Variants in SMIM10L3 observed in about 807,000 individuals in gnomAD.
SMIM10L3 encodes the protein small integral membrane protein 10 like 3.
chr7:6,338,597 G>A, the SMIM10L3 span: 1 of 152,264 alleles, frequency 6.6e-6, no homozygotes, highest in African/African-American at 2.4e-5. Context: ...GCCGTGCCAG[G>A]GGAAACGAGG....
chr7:6,330,599 C>T, the SMIM10L3 span: 10 of 1,614,016 alleles, frequency 6.2e-6, no homozygotes, highest in South Asian at 4.4e-5. Flanking sequence ...TGCAGGCAAG[C>T]GGGTTCCAAC....
chr7:6,340,176 C>T, the SMIM10L3 span, among the ~76,000 whole-genome samples: 12 of 152,132 alleles, frequency 7.9e-5, no homozygotes, highest in African/African-American at 1.9e-4. Context: ...TGAGCTACCG[C>T]GCCCGGCCCC....
chr7:6,334,925 C>T, the SMIM10L3 span, among the ~76,000 whole-genome samples: 6 of 151,508 alleles, frequency 4.0e-5, no homozygotes, highest in African/African-American at 7.3e-5. Flanking sequence ...TGTGCCACCA[C>T]GCCTGGCCAA....
chr7:6,348,933 G>T, the SMIM10L3 span: 4 of 382,932 alleles, frequency 1.0e-5, no homozygotes, highest in African/African-American at 6.3e-5. Flanking sequence ...GTGCCTCCGC[G>T]AGCAGCCGCC....
At chr7:6,345,035 C>T in the SMIM10L3 span, among the ~76,000 whole-genome samples, 5 of 152,014 alleles carry the variant, frequency 3.3e-5, no homozygotes, top group Admixed American at 1.3e-4. Context: ...AATCCCACCA[C>T]GCCCGGCCAC....
chr7:6,336,723 G>A, the SMIM10L3 span, among the ~76,000 whole-genome samples: 3 of 149,916 alleles, frequency 2.0e-5, no homozygotes, highest in South Asian at 2.1e-4. Flanking sequence ...GCACAGTCAC[G>A]GCTCACTGCA....
the SMIM10L3 span, among the ~76,000 whole-genome samples, chr7:6,340,476 C>A: frequency 6.6e-6 from 1 of 152,102 alleles, no homozygotes; most frequent in African/African-American, 2.4e-5. Context: ...CTGGAGTCGG[C>A]TGAAGCACGG....
chr7:6,330,821 C>G, the SMIM10L3 span: 2 of 1,614,202 alleles, frequency 1.2e-6, no homozygotes, highest in Non-Finnish European at 1.7e-6. Flanking sequence ...GCAAAACACT[C>G]TGTTGGAGCA....
At chr7:6,336,172 C>CAAAA in the SMIM10L3 span, among the ~76,000 whole-genome samples, 2 of 131,838 alleles carry the variant, frequency 1.5e-5, no homozygotes, top group Middle Eastern at 4.1e-3. Flanking sequence ...GATTTTGCCT[C>CAAAA]AAAAAAAAAA....
the SMIM10L3 span, among the ~76,000 whole-genome samples, chr7:6,343,206 G>C: frequency 6.7e-4 from 101 of 150,790 alleles, no homozygotes; most frequent in Admixed American, 1.9e-3. Context: ...GTGAAGCCCC[G>C]TCTCTACTAA....
chr7:6,342,929 C>T, the SMIM10L3 span, among the ~76,000 whole-genome samples: 2 of 151,434 alleles, frequency 1.3e-5, no homozygotes, highest in Non-Finnish European at 2.9e-5. Context: ...CCCAGCTACT[C>T]AGAAGGCTGA....
At chr7:6,343,056 G>C in the SMIM10L3 span, among the ~76,000 whole-genome samples, 1 of 114,108 alleles carries the variant, frequency 8.8e-6, no homozygotes, top group Non-Finnish European at 1.8e-5. Flanking sequence ...AAAGAAAAAA[G>C]AAAGAAAGAA....
the SMIM10L3 span, among the ~76,000 whole-genome samples, chr7:6,347,280 C>T: frequency 6.6e-6 from 1 of 152,078 alleles, no homozygotes; most frequent in South Asian, 2.1e-4. Flanking sequence ...TTTGGGAGGT[C>T]GAGGCGGGCA....
At chr7:6,336,462 C>A in the SMIM10L3 span, among the ~76,000 whole-genome samples, 2 of 152,126 alleles carry the variant, frequency 1.3e-5, no homozygotes, top group Non-Finnish European at 2.9e-5. Flanking sequence ...AGGCAGATCT[C>A]TTGAGGTCAG....
chr7:6,337,606 G>C, the SMIM10L3 span, among the ~76,000 whole-genome samples: 1 of 151,182 alleles, frequency 6.6e-6, no homozygotes, highest in Non-Finnish European at 1.5e-5. Flanking sequence ...CATTTCCTTA[G>C]CAAACTAACG....
the SMIM10L3 span, among the ~76,000 whole-genome samples, chr7:6,346,712 G>C: frequency 1.3e-5 from 2 of 152,088 alleles, no homozygotes; most frequent in East Asian, 3.8e-4. Context: ...ATCAACAGCC[G>C]GTGTTAGGTT....
the SMIM10L3 span, among the ~76,000 whole-genome samples, chr7:6,333,579 G>A: frequency 2.0e-5 from 3 of 151,644 alleles, no homozygotes; most frequent in African/African-American, 7.3e-5. Flanking sequence ...GCTCACTGCA[G>A]CCTGTAACTT....
the SMIM10L3 span, among the ~76,000 whole-genome samples, chr7:6,335,017 T>C: frequency 6.6e-6 from 1 of 152,072 alleles, no homozygotes; most frequent in Non-Finnish European, 1.5e-5. Context: ...TCCACCCGCC[T>C]TGGCCTCCCA....
At chr7:6,347,418 A>C in the SMIM10L3 span, among the ~76,000 whole-genome samples, 1 of 152,068 alleles carries the variant, frequency 6.6e-6, no homozygotes, top group Non-Finnish European at 1.5e-5. Flanking sequence ...CAGGAGGCTG[A>C]GTCAGGAGAA....
Sources: allele counts gnomAD v4.1 joint callset (sites outside exome capture counted in the v4.1 genomes callset), GRCh38; gene constraint gnomAD v4.1.1; transcripts MANE v1.5; gene names NCBI Gene and HGNC (gene_info 2026-07-23, HGNC 2026-07-21).